Variants in WDPCP observed in about 807,000 individuals in gnomAD.
WDPCP encodes the protein WD repeat-containing and planar cell polarity effector protein fritz homolog.
A neutral mutation model predicts 93.1 loss-of-function variants in WDPCP; 71 were observed. The observed-to-expected ratio is 0.76, with a 90% CI of 0.63 to 0.93. WDPCP has a LOEUF of 0.93. Among genes scored for constraint, WDPCP ranks in the 40% least tolerant of loss-of-function variants. WDPCP has a pLI of 0.00. For synonymous variants in WDPCP, 315 were observed against 315.0 expected (o/e 1.00, Z 0.00); for missense variants, 844 against 887.4 (o/e 0.95, Z 0.62).
chr2:63,839,159 G>C, the WDPCP span, among the ~76,000 whole-genome samples: 2 of 152,198 alleles, frequency 1.3e-5, no homozygotes, highest in African/African-American at 4.8e-5. Context: ...GCCATTCTTA[G>C]ATATTAACAA....
intron 15 of WDPCP, among the ~76,000 whole-genome samples, chr2:63,154,220 G>A (rs1158874099): frequency 6.6e-6 from 1 of 151,720 alleles, no homozygotes; most frequent in Non-Finnish European, 1.5e-5. Flanking sequence ...AATTTTAACA[G>A]ATGTTTAGAT....
intron 1 of WDPCP, among the ~76,000 whole-genome samples, chr2:63,497,713 G>C (rs926320982): frequency 1.3e-5 from 2 of 152,172 alleles, no homozygotes; most frequent in Non-Finnish European, 2.9e-5. Flanking sequence ...TCTTACTCAA[G>C]TGTGCCACCA....
upstream of WDPCP, among the ~76,000 whole-genome samples, chr2:63,591,742 C>T (rs1457051906): frequency 6.6e-6 from 1 of 152,132 alleles, no homozygotes; most frequent in African/African-American, 2.4e-5. Flanking sequence ...CGCTTCATGG[C>T]CTAATACAGA....
intron 12 of WDPCP, among the ~76,000 whole-genome samples, chr2:63,328,890 G>A (rs1687767284): frequency 6.6e-6 from 1 of 151,992 alleles, no homozygotes; most frequent in Non-Finnish European, 1.5e-5. Context: ...ACTGTGCCTG[G>A]CCAATTTTTT....
intron 9 of WDPCP, among the ~76,000 whole-genome samples, chr2:63,417,382 T>TG (rs1695515890): frequency 6.6e-6 from 1 of 152,148 alleles, no homozygotes. Flanking sequence ...ACACTATTGA[T>TG]GGAATACATT....
intron 1 of WDPCP, among the ~76,000 whole-genome samples, chr2:63,506,461 C>A (rs548896218): frequency 6.6e-6 from 1 of 151,634 alleles, no homozygotes; most frequent in African/African-American, 2.4e-5. Flanking sequence ...GGCAAAGGAA[C>A]TAGTGGCAAG....
At chr2:63,380,596 A>T (rs1008110101) in intron 11 of WDPCP, among the ~76,000 whole-genome samples, 5 of 152,038 alleles carry the variant, frequency 3.3e-5, no homozygotes, top group Admixed American at 3.3e-4. Context: ...TGTGGTGCAC[A>T]TCTGTAATCC....
the WDPCP span, among the ~76,000 whole-genome samples, chr2:63,835,987 TA>T: frequency 1.8e-4 from 28 of 152,272 alleles, no homozygotes; most frequent in South Asian, 5.6e-3. Flanking sequence ...CCCAAGTAGC[TA>T]GGATTACAGG....
chr2:63,593,427 TGAC>T, upstream of WDPCP: 1 of 369,028 alleles, frequency 2.7e-6, no homozygotes, highest in Non-Finnish European at 5.6e-6. Context: ...TTTTTTTCTT[TGAC>T]TTCTATGAGT....
chr2:63,533,162 C>A (rs182089159), intron 1 of WDPCP, among the ~76,000 whole-genome samples: 6 of 152,250 alleles, frequency 3.9e-5, no homozygotes, highest in African/African-American at 1.2e-4. Context: ...AGAGCTAACT[C>A]TCCTAAATAC....
chr2:63,212,844 T>C (rs1242977089), intron 14 of WDPCP, among the ~76,000 whole-genome samples: 1 of 148,504 alleles, frequency 6.7e-6, no homozygotes, highest in African/African-American at 2.5e-5. Flanking sequence ...TAAAACAGAC[T>C]TTAAACCAGC....
intron 3 of WDPCP, chr2:63,599,774 C>G (rs1182440888): frequency 6.6e-6 from 1 of 152,072 alleles, no homozygotes; most frequent in Non-Finnish European, 1.5e-5. Flanking sequence ...TTTTAATATT[C>G]TATGTGTATC....
At chr2:63,571,564 C>T (rs1286686093) in intron 1 of WDPCP, 1 of 470,976 alleles carries the variant, frequency 2.1e-6, no homozygotes, top group Non-Finnish European at 4.4e-6. Flanking sequence ...GCTATGGTCA[C>T]TCTCCAGTGC....
intron 12 of WDPCP, among the ~76,000 whole-genome samples, chr2:63,364,622 G>A (rs1690748850): frequency 6.6e-6 from 1 of 152,126 alleles, no homozygotes; most frequent in Non-Finnish European, 1.5e-5. Flanking sequence ...GCACACCTAG[G>A]TTGGTCCATG....
chr2:63,255,313 C>T (rs1681043739), intron 14 of WDPCP, among the ~76,000 whole-genome samples: 1 of 152,108 alleles, frequency 6.6e-6, no homozygotes, highest in Non-Finnish European at 1.5e-5. Context: ...AGCATAAGAA[C>T]TAGAAAGGAA....
At position 63,636,697 on chromosome 2, in the gene WDPCP, A is replaced by G. The variant is rs192667254; in HGVS notation, n.488+13962T>C. 3.3e-5 allele frequency among the ~76,000 whole-genome samples: 5 copies of G among 152,346 alleles called. No homozygotes were observed. In the East Asian group the frequency reaches 9.6e-4, roughly 29 times the overall value. ...AAACTACATTACAAATAGTAATAAA[A>G]CAGTACAATACTGGCCTAAAAACAG... On this transcript the variant is annotated intron_variant and non_coding_transcript_variant, in intron 3 of 4. Transcript: ENST00000467687.
chr2:63,213,189 C>T (rs376764542), intron 14 of WDPCP, among the ~76,000 whole-genome samples: 4 of 152,178 alleles, frequency 2.6e-5, no homozygotes, highest in Non-Finnish European at 4.4e-5. Flanking sequence ...AGCACCACAT[C>T]GCACTTTTTC....
At chr2:63,179,560 C>T (rs955240177) in intron 14 of WDPCP, among the ~76,000 whole-genome samples, 1 of 151,818 alleles carries the variant, frequency 6.6e-6, no homozygotes, top group African/African-American at 2.4e-5. Context: ...TCCCTAAGGC[C>T]TCCTCAGAAG....
chr2:63,426,722 T>G (rs78103279), intron 9 of WDPCP, among the ~76,000 whole-genome samples: 1 of 152,278 alleles, frequency 6.6e-6, no homozygotes, highest in Non-Finnish European at 1.5e-5. Context: ...AGTATTAACT[T>G]TGAATGTAAA....
Sources: gnomAD v4.1 joint callset for allele counts (sites outside exome capture counted in the v4.1 genomes callset) on GRCh38, gnomAD v4.1.1 for gene constraint, MANE v1.5 for transcripts, NCBI Gene and HGNC (gene_info 2026-07-23, HGNC 2026-07-21) for gene names.